Variants in CPT1C observed in about 807,000 individuals in gnomAD.
CPT1C encodes the protein carnitine palmitoyltransferase 1C.
In CPT1C, 61 loss-of-function variants were observed where a neutral mutation model predicts 97.3. That is an observed-to-expected ratio of 0.63 (90% CI 0.51 to 0.78). The LOEUF (loss-of-function observed/expected upper bound fraction) is 0.78. Ranked by LOEUF, CPT1C falls within the 30% of genes least tolerant of loss-of-function variation. The pLI is 0.00. For synonymous variants in CPT1C, 469 were observed against 447.2 expected (o/e 1.05, Z -0.61); for missense variants, 975 against 1,065.5 (o/e 0.92, Z 1.18).
chr19:49,712,116 G>T (rs920492194), intron 17 of CPT1C, 155 bp downstream of exon 17: 2 of 911,302 alleles, frequency 2.2e-6, no homozygotes, highest in African/African-American at 3.4e-5. Flanking sequence ...GCCGAGGCAG[G>T]CGGATCACTT....
At chr19:49,700,305 C>T (rs1043421343) in intron 4 of CPT1C, among the ~76,000 whole-genome samples, 6 of 151,772 alleles carry the variant, frequency 4.0e-5, no homozygotes, top group Admixed American at 6.6e-5. Context: ...CTGAGAGATT[C>T]TGGCTTGTTA....
At chr19:49,694,087 AAAAT>A (rs143173653) in intron 3 of CPT1C, among the ~76,000 whole-genome samples, 1,484 of 107,508 alleles carry the variant, frequency 0.014, 17 homozygotes, top group African/African-American at 0.028. Flanking sequence ...AATAAAATAA[AAAAT>A]AAATAAATAA....
At position 49,697,316 on chromosome 19, in the gene CPT1C, C is replaced by T. The variant is rs776320409; in HGVS notation, c.142-10C>T. ...CAGATGATTCAATGGATGCCCTTTC[C>T]TCCCCACAGAATGACTTTCTCACCG... On this transcript the variant is annotated splice_polypyrimidine_tract_variant and intron_variant, in intron 3 of 19. Transcript: ENST00000598293. The T allele has an allele frequency of 6.2e-7, 1 of 1,613,810 alleles. No individual in the cohort carries two copies. The highest frequency in any genetic ancestry group is 1.1e-5 in the South Asian group (1 of 91,070).
chr19:49,702,374 T>A (rs1018107617), intron 7 of CPT1C, among the ~76,000 whole-genome samples: 2 of 150,710 alleles, frequency 1.3e-5, no homozygotes, highest in African/African-American at 4.9e-5. Context: ...TGCCAGCAGG[T>A]TGCGAGGCCA....
chr19:49,707,710 A>G, intron 13 of CPT1C, 87 bp downstream of exon 13: 1 of 876,932 alleles, frequency 1.1e-6, no homozygotes, highest in Non-Finnish European at 1.7e-6. Context: ...TCAGAAGAAA[A>G]ACTGAGGCTT....
At position 49,696,769 on chromosome 19, in the gene CPT1C, A is replaced by T. The variant is rs1478074198; in HGVS notation, c.142-557A>T. 2.6e-5 allele frequency among the ~76,000 whole-genome samples: 4 copies of T among 151,558 alleles called. No individual in the cohort carries two copies. The South Asian group carries it at 8.3e-4, about 32-fold the overall frequency. On this transcript the variant is annotated intron_variant, in intron 3 of 19. Coordinates refer to ENST00000598293, the MANE Select transcript of CPT1C (RefSeq NM_001199753.2). Reference sequence around the variant, plus strand: ...TGCCTCAGTCTCCCAAGTAGTTGGGATTACAGGTGCCTGCCACCATGCCCG... The same window carrying T: ...TGCCTCAGTCTCCCAAGTAGTTGGGTTTACAGGTGCCTGCCACCATGCCCG...
At chr19:49,704,405 C>T (rs2083383401) in intron 7 of CPT1C, among the ~76,000 whole-genome samples, 1 of 152,184 alleles carries the variant, frequency 6.6e-6, no homozygotes, top group African/African-American at 2.4e-5. Flanking sequence ...CACCTGACCT[C>T]AGGTGATCCA....
chr19:49,699,595 A>C (rs952906558), intron 4 of CPT1C, among the ~76,000 whole-genome samples: 59 of 151,510 alleles, frequency 3.9e-4, no homozygotes, highest in African/African-American at 1.3e-3. Flanking sequence ...TGTTGATTTA[A>C]TGTAGCTTTA....
rs180725899 is a variant in CPT1C at position 49,691,338 on chromosome 19, G to C, written c.-86G>C. ...CCGATCAGCGGACCCTTGATTCAAC[G>C]TGGTAAGTACTGGACCCCAGGGGCT... On this transcript the variant is annotated splice_region_variant and 5_prime_UTR_variant, in exon 1 of 20. Transcript: ENST00000598293. 1 of 152,196 alleles carries C rather than the reference G, an allele frequency of 6.6e-6. No individual in the cohort carries two copies. The highest frequency in any genetic ancestry group is 2.4e-5 in the African/African-American group (1 of 41,508). The allele number at this position is 152,196 out of a possible 1,614,324, so 9.4% of individuals were successfully genotyped here.
intron 4 of CPT1C, among the ~76,000 whole-genome samples, chr19:49,700,424 A>G (rs112548997): frequency 2.9e-4 from 44 of 152,296 alleles, no homozygotes; most frequent in African/African-American, 1.0e-3. Flanking sequence ...CTGGAAGGAA[A>G]AAGTGTCCCC....
rs550207396 is a variant in CPT1C at position 49,707,233 on chromosome 19, C to T, written c.1344-285C>T. 5.9e-5 allele frequency among the ~76,000 whole-genome samples: 9 copies of T among 152,066 alleles called. No homozygotes were observed. The South Asian group carries it at 1.2e-3, about 21-fold the overall frequency. The stretch of plus-strand genomic sequence containing the variant: ...TTGGGAGGCGGAGGTTGCAGTGAGC[C>T]GAGATCGCGCCACTGCACTCCAGCC... On this transcript the variant is annotated intron_variant, in intron 12 of 19. Transcript: ENST00000598293.
chr19:49,700,968 C>G, intron 5 of CPT1C, 113 bp downstream of exon 5: 1 of 1,113,472 alleles, frequency 9.0e-7, no homozygotes, highest in Admixed American at 2.1e-5. Context: ...CTCTCTGGGT[C>G]TCTTCCCCCT....
At chr19:49,708,955 C>T (rs1185176296) in intron 14 of CPT1C, 116 bp downstream of exon 14, 4 of 668,694 alleles carry the variant, frequency 6.0e-6, no homozygotes, top group East Asian at 5.5e-5. Context: ...ACCCCCAACC[C>T]GAAACCCATG....
intron 16 of CPT1C, 60 bp from the exon 17 acceptor site, chr19:49,711,749 G>A (rs1489441730): frequency 2.6e-6 from 4 of 1,539,000 alleles, no homozygotes; most frequent in Non-Finnish European, 3.5e-6. Flanking sequence ...TGTGCCGCAG[G>A]CCCAGCCCTA....
chr19:49,699,313 C>T (rs2082854893), intron 4 of CPT1C, among the ~76,000 whole-genome samples: 1 of 150,876 alleles, frequency 6.6e-6, no homozygotes, highest in South Asian at 2.1e-4. Context: ...AAAGAACAGA[C>T]CCAGGATCAG....
chr19:49,711,568 T>G, intron 16 of CPT1C: 2 of 550,654 alleles, frequency 3.6e-6, no homozygotes, highest in Non-Finnish European at 6.5e-6. Flanking sequence ...TGTGGTTCCA[T>G]GGAAGGAGTT....
At chr19:49,712,661 G>A (rs1189614804) in intron 17 of CPT1C, 75 bp from the exon 18 acceptor site, 2 of 1,092,306 alleles carry the variant, frequency 1.8e-6, no homozygotes, top group East Asian at 2.4e-5. Context: ...AGCCAGGGAT[G>A]CAGGGAGTGA....
chr19:49,707,101 C>A (rs1367355685), intron 12 of CPT1C, among the ~76,000 whole-genome samples: 2 of 152,000 alleles, frequency 1.3e-5, no homozygotes, highest in Non-Finnish European at 2.9e-5. Context: ...ATGGTGAAAC[C>A]TCATCTCCAC....
At chr19:49,704,977 T>C (rs1600109709) in intron 8 of CPT1C, 30 bp from the exon 9 acceptor site, 17 of 1,546,574 alleles carry the variant, frequency 1.1e-5, no homozygotes, top group Non-Finnish European at 1.5e-5. Flanking sequence ...TGACCCTGGG[T>C]GTTTTGCCAT....
Sources: allele counts gnomAD v4.1 joint callset (sites outside exome capture counted in the v4.1 genomes callset), GRCh38; gene constraint gnomAD v4.1.1; transcripts MANE v1.5; gene names NCBI Gene and HGNC (gene_info 2026-07-23, HGNC 2026-07-21).